Variants in GABPB2 observed in about 807,000 individuals in gnomAD.
GABPB2 encodes GA-binding protein subunit beta-2.
Under a neutral mutation model 39.1 loss-of-function variants are expected in GABPB2, and 23 were observed. The ratio of observed to expected loss-of-function variants is 0.59; its 90% CI spans 0.42 to 0.83. GABPB2 has a LOEUF of 0.83. Among genes scored for constraint, GABPB2 ranks in the 40% least tolerant of loss-of-function variants. The pLI is 0.00. For synonymous variants in GABPB2, 184 were observed against 199.3 expected, an observed-to-expected ratio of 0.92 and a Z score of 0.65; for missense variants, 467 against 541.1, an observed-to-expected ratio of 0.86 and a Z score of 1.36.
intron 3 of GABPB2, among the ~76,000 whole-genome samples, chr1:151,091,041 A>AC (rs1678646185): frequency 6.6e-6 from 1 of 150,570 alleles, no homozygotes; most frequent in Admixed American, 6.6e-5. Context: ...AACAAAAAAA[A>AC]AAACCTTCAT....
intron 3 of GABPB2, 23 bp downstream of exon 3, chr1:151,090,596 G>T (rs200618832): frequency 1.2e-6 from 2 of 1,607,692 alleles, no homozygotes; most frequent in Non-Finnish European, 1.7e-6. Flanking sequence ...TAGGGGCAAG[G>T]TTATGTTGTT....
At chr1:151,098,763 A>G (rs1679294303) in intron 5 of GABPB2, among the ~76,000 whole-genome samples, 2 of 152,126 alleles carry the variant, frequency 1.3e-5, no homozygotes, top group African/African-American at 4.8e-5. Context: ...CAGCAGAGAA[A>G]ACTACTTGGT....
In GABPB2 at chr1:151,118,378, A is replaced by G; in HGVS notation, c.*122A>G. The stretch of plus-strand genomic sequence containing the variant: ...TTTAAGAAGAAAACTATAGCAGGGT[A>G]CAATGCTTGGGCTCAGGAAGTTTCT... On this transcript the variant is annotated 3_prime_UTR_variant, in exon 9 of 9. Transcript: ENST00000368918. 1 of 942,446 alleles carries G rather than the reference A, an allele frequency of 1.1e-6. No individual in the cohort carries two copies. The highest frequency in any genetic ancestry group is 1.5e-6 in the Non-Finnish European group (1 of 646,004). 58.4% of individuals were successfully genotyped at this position (942,446 alleles called of 1,614,324 possible). A position where few individuals can be genotyped will look rare whatever the true frequency, so the allele number is the denominator to read the frequency against.
chr1:151,107,515 TC>T (rs1327770002), intron 7 of GABPB2, among the ~76,000 whole-genome samples: 1 of 151,698 alleles, frequency 6.6e-6, no homozygotes, highest in Non-Finnish European at 1.5e-5. Context: ...TTTTTTTTTT[TC>T]TTCAGAAGGG....
intron 5 of GABPB2, among the ~76,000 whole-genome samples, chr1:151,098,330 C>A (rs934710295): frequency 6.6e-6 from 1 of 151,894 alleles, no homozygotes; most frequent in Admixed American, 6.6e-5. Flanking sequence ...CATAGCAAGA[C>A]CCCATCCTCT....
At position 151,118,261 on chromosome 1, in the gene GABPB2, C is replaced by T. The variant is rs1176609049; in HGVS notation, c.*5C>T. Reference sequence around the variant, plus strand: ...ATGGCAACTGTTTCATCTTAATATGCAAGGGCCACAATTTGCACTGTGTTC... The same window carrying T: ...ATGGCAACTGTTTCATCTTAATATGTAAGGGCCACAATTTGCACTGTGTTC... On this transcript the variant is annotated 3_prime_UTR_variant, in exon 9 of 9. Coordinates refer to ENST00000368918, the MANE Select transcript of GABPB2 (RefSeq NM_144618.3). 4 of 1,608,668 alleles carry T rather than the reference C, an allele frequency of 2.5e-6. No individual in the cohort carries two copies. Among genetic ancestry groups the T allele is most frequent in the Middle Eastern group, 1.7e-4 (1 of 6,010 alleles).
Position 151,118,059 on chromosome 1 carries a change from C to A in GABPB2, c.1150C>A (p.Gln384Lys), listed in dbSNP as rs776570276. 8 of 1,614,054 alleles carry A rather than the reference C, an allele frequency of 5.0e-6. No homozygotes were observed. Among genetic ancestry groups the A allele is most frequent in the Non-Finnish European group, 6.8e-6 (8 of 1,180,036 alleles). ...QLLKKEQEAE[Q>K]YRLKLEAIAR... ...CCTAAAGAAAGAGCAGGAAGCAGAA[C>A]AGTACCGTCTTAAGCTGGAGGCCAT... is the stretch of plus-strand genomic sequence containing the variant. Residue 384 changes from glutamine to lysine, a missense_variant, in exon 9 of 9, where the codon CAG (glutamine) becomes AAG (lysine). Physicochemically the swap from Gln to Lys is moderately conservative, Grantham distance 53 (BLOSUM62 1). Transcript: ENST00000368918.
intron 5 of GABPB2, among the ~76,000 whole-genome samples, chr1:151,099,138 C>T (rs1679330169): frequency 6.6e-6 from 1 of 150,960 alleles, no homozygotes; most frequent in Non-Finnish European, 1.5e-5. Context: ...ACAAAACCTT[C>T]TATCTAAATA....
chr1:151,105,435 TCAAA>T (rs1404628348), intron 6 of GABPB2, among the ~76,000 whole-genome samples: 1 of 148,456 alleles, frequency 6.7e-6, no homozygotes, highest in African/African-American at 2.5e-5. Context: ...AATATATATA[TCAAA>T]TATATATACA....
intron 3 of GABPB2, among the ~76,000 whole-genome samples, chr1:151,091,479 A>C (rs1413372867): frequency 2.0e-5 from 3 of 148,316 alleles, no homozygotes; most frequent in African/African-American, 7.4e-5. Context: ...AAAAAAAAAA[A>C]AAAAAAAAAA....
chr1:151,082,070 C>CT (rs1677753499), intron 1 of GABPB2, among the ~76,000 whole-genome samples: 2 of 145,908 alleles, frequency 1.4e-5, no homozygotes, highest in Non-Finnish European at 1.5e-5. Context: ...GTGGTAATTT[C>CT]TTTTTCTTTT....
chr1:151,114,982 T>C (rs994880705), intron 7 of GABPB2, among the ~76,000 whole-genome samples: 5 of 152,110 alleles, frequency 3.3e-5, no homozygotes, highest in Admixed American at 2.0e-4. Context: ...TGCACTCCAA[T>C]CCGGCCTGGG....
Position 151,123,751 on chromosome 1 carries a change from C to G in GABPB2, c.*5495C>G, listed in dbSNP as rs587670251. The G allele has an allele frequency of 1.3e-5, 2 of 151,420 alleles. No individual in the cohort carries two copies. Among genetic ancestry groups the G allele is most frequent in the East Asian group, 3.9e-4 (2 of 5,098 alleles). 9.4% of individuals were successfully genotyped at this position (151,420 alleles called of 1,614,324 possible). On this transcript the variant is annotated 3_prime_UTR_variant, in exon 9 of 9. Transcript: ENST00000368918. ...CCTGTAGTCCCAGCTACTCGGGAGGCTGAGGCAGGAGAATGACGTGAACCC... is the reference window on the plus strand; with the variant it reads ...CCTGTAGTCCCAGCTACTCGGGAGGGTGAGGCAGGAGAATGACGTGAACCC...
chr1:151,072,029 T>C (rs1268595304), intron 1 of GABPB2, among the ~76,000 whole-genome samples: 2 of 152,256 alleles, frequency 1.3e-5, no homozygotes, highest in South Asian at 4.1e-4. Flanking sequence ...TAACAAAATT[T>C]TGGCCATCCA....
intron 1 of GABPB2, among the ~76,000 whole-genome samples, chr1:151,079,287 T>G (rs1677448919): frequency 6.6e-6 from 1 of 151,802 alleles, no homozygotes; most frequent in African/African-American, 2.4e-5. Flanking sequence ...ACGCCTGTAA[T>G]CCCAGCACTT....
intron 1 of GABPB2, among the ~76,000 whole-genome samples, chr1:151,081,374 A>G (rs1677680387): frequency 6.6e-6 from 1 of 151,968 alleles, no homozygotes; most frequent in Non-Finnish European, 1.5e-5. Flanking sequence ...CTGTAATGCC[A>G]GCTACTTGGG....
In GABPB2 at chr1:151,118,230, GT is replaced by G. The variant is rs769478392; in HGVS notation, c.1324del (p.Ser442ProfsTer20). The G allele has an allele frequency of 1.2e-5, 20 of 1,613,220 alleles. No individual in the cohort carries two copies. The South Asian group carries it at 2.1e-4, about 17-fold the overall frequency. ...AGGGACCACAGAGCCTCACACTAGAGTTTCCATGGCAACTGTTTCATCTTAA... is the reference window on the plus strand; with the variant it reads ...AGGGACCACAGAGCCTCACACTAGAGTTCCATGGCAACTGTTTCATCTTAA... ...SAGTTEPHTR[V>X]SMATVSS On this transcript the variant is annotated frameshift_variant, in exon 9 of 9. Coordinates refer to ENST00000368918, the MANE Select transcript of GABPB2 (RefSeq NM_144618.3). LOFTEE classifies it high-confidence loss of function.
chr1:151,102,935 G>C (rs1338556544), intron 5 of GABPB2, among the ~76,000 whole-genome samples: 1 of 151,938 alleles, frequency 6.6e-6, no homozygotes, highest in Non-Finnish European at 1.5e-5. Context: ...TGCCCAGTCA[G>C]CTTAGGGAGT....
chr1:151,113,424 G>A (rs1410184531), intron 7 of GABPB2, among the ~76,000 whole-genome samples: 1 of 148,450 alleles, frequency 6.7e-6, no homozygotes, highest in African/African-American at 2.5e-5. Context: ...AGCAGAGATC[G>A]TGCCACTGCA....
Sources: allele counts gnomAD v4.1 joint callset (sites outside exome capture counted in the v4.1 genomes callset), GRCh38; gene constraint gnomAD v4.1.1; transcripts MANE v1.5; gene names NCBI Gene and HGNC (gene_info 2026-07-23, HGNC 2026-07-21).